The following EPHB3 variants were observed in gnomAD, a reference collection of about 807,000 sequenced individuals.
EPHB3 encodes EPH receptor B3, also known as ephrin type-B receptor 3.
A neutral mutation model predicts 100.2 loss-of-function variants in EPHB3; 33 were observed. The ratio of observed to expected loss-of-function variants is 0.33; its 90% CI spans 0.25 to 0.44. The LOEUF (loss-of-function observed/expected upper bound fraction) is 0.44, where lower values mean the gene tolerates loss of function less well. Among genes scored for constraint, EPHB3 ranks in the 20% least tolerant of loss-of-function variants. The probability of loss-of-function intolerance (pLI) is 1.00; values close to 1 mark genes in which losing one functional copy is unlikely to be tolerated. For missense variants in EPHB3, 1,045 were observed against 1,378.3 expected (o/e 0.76, Z 3.83); for synonymous variants, 526 against 554.7 (o/e 0.95, Z 0.73).
rs1254429769 is a variant in EPHB3, at chr3:184,571,478, G to A, written c.183+96G>A. On this transcript the variant is annotated intron_variant, in intron 2 of 15. Transcript: ENST00000330394. This position sits in a 1 kb window ranked among gnomAD's most constrained non-coding sequence, Gnocchi z 5.0. The stretch of plus-strand genomic sequence containing the variant: ...CCCCTCATCTCACCAGGGCCTGGAG[G>A]AGGGCTGCCTCTGCCCTCTGCCTGT... 1 of 1,347,530 alleles carries A rather than the reference G, an allele frequency of 7.4e-7. No homozygotes were observed. The highest frequency in any genetic ancestry group is 1.1e-6 in the Non-Finnish European group (1 of 950,114). The allele number at this position is 1,347,530 out of a possible 1,614,324, so 83.5% of individuals were successfully genotyped here.
Position 184,578,091 on chromosome 3 carries a change from G to C in EPHB3, c.1748+85G>C, listed in dbSNP as rs916130721. 4.9e-6 allele frequency: 7 copies of C among 1,428,948 alleles called. No homozygotes were observed. The African/African-American group carries it at 8.5e-5, about 17-fold the overall frequency. 88.5% of individuals were successfully genotyped at this position (1,428,948 alleles called of 1,614,324 possible). ...AGCCCTCATGCCACAGAGATGAGCC[G>C]CCACCACTTCCCTCAGACCCAGGGC... is the stretch of plus-strand genomic sequence containing the variant. On this transcript the variant is annotated intron_variant, in intron 8 of 15. Transcript: ENST00000330394. The surrounding 1 kb of genome is among the most constrained non-coding windows in gnomAD (Gnocchi z 4.7).
rs1029938173 is a variant in EPHB3 at position 184,579,010 on chromosome 3, G to C, written c.1802-467G>C. On this transcript the variant is annotated intron_variant, in intron 9 of 15. Coordinates refer to ENST00000330394, the MANE Select transcript of EPHB3 (RefSeq NM_004443.4). The surrounding 1 kb of genome is among the most constrained non-coding windows in gnomAD (Gnocchi z 5.2). ...GGCTGGGTAGCTGTGGCCAGCCCTC[G>C]GAGGGTCCTGAAAGGCAGGCAGAGG... 6.6e-6 allele frequency among the ~76,000 whole-genome samples: 1 copy of C among 152,144 alleles called. No homozygotes were observed. The highest frequency in any genetic ancestry group is 6.6e-5 in the Admixed American group (1 of 15,266).
Position 184,571,116 on chromosome 3 carries a change from G to A in EPHB3, c.119-202G>A, listed in dbSNP as rs1714528876. ...GATTACAGGCGTGCGCCACCAGCCT[G>A]GCTAATTTTGTATTTTTAGTAGAGA... On this transcript the variant is annotated intron_variant, in intron 1 of 15. Coordinates refer to ENST00000330394, the MANE Select transcript of EPHB3 (RefSeq NM_004443.4). The surrounding 1 kb of genome is among the most constrained non-coding windows in gnomAD (Gnocchi z 5.0). Among the ~76,000 whole-genome samples the A allele has an allele frequency of 6.6e-6, 1 of 151,924 alleles. No homozygotes were observed. Among genetic ancestry groups the A allele is most frequent in the Non-Finnish European group, 1.5e-5 (1 of 67,976 alleles).
chr3:184,573,323 T>A lies in EPHB3; in HGVS notation c.856+147T>A, dbSNP rs911508125. On this transcript the variant is annotated intron_variant, in intron 3 of 15. Coordinates refer to ENST00000330394, the MANE Select transcript of EPHB3 (RefSeq NM_004443.4). The surrounding 1 kb of genome is among the most constrained non-coding windows in gnomAD (Gnocchi z 4.5). ...GAGGCAGGAGAGGGAAGAGTGGGGATCAGATGCAGAGAATGTTGTGTAAGG... is the reference window on the plus strand; with the variant it reads ...GAGGCAGGAGAGGGAAGAGTGGGGAACAGATGCAGAGAATGTTGTGTAAGG... 133 of 965,936 alleles carry A rather than the reference T, an allele frequency of 1.4e-4. No individual in the cohort carries two copies. The highest frequency in any genetic ancestry group is 1.9e-4 in the Non-Finnish European group (124 of 657,746). 59.8% of individuals were successfully genotyped at this position (965,936 alleles called of 1,614,324 possible). A position where few individuals can be genotyped will look rare whatever the true frequency, so the allele number is the denominator to read the frequency against.
At position 184,577,924 on chromosome 3, in the gene EPHB3, C is replaced by A; in HGVS notation, c.1666C>A (p.Gln556Lys). 1.9e-6 allele frequency: 3 copies of A among 1,614,032 alleles called. No individual in the cohort carries two copies. The highest frequency in any genetic ancestry group is 1.1e-5 in the South Asian group (1 of 91,084). ...RGSGAQQLQE[Q>K]LPLIVGSATA... ...CTCTGGGGCCCAGCAGCTCCAGGAG[C>A]AGCTTCCCCTCATCGTGGGCTCCGC... Residue 556 changes from glutamine (Q) to lysine (K), a missense_variant, in exon 8 of 16, where the codon CAG becomes AAG. By Grantham distance (53) the Gln-to-Lys change is moderately conservative (BLOSUM62 1). This residue lies in a region of EPHB3 where 985 missense variants were observed against 1,331.1 expected (regional missense o/e 0.74). Transcript: ENST00000330394. This position sits in a 1 kb window ranked among gnomAD's most constrained non-coding sequence, Gnocchi z 4.9.
In EPHB3 at chr3:184,563,319, C is replaced by T. The variant is rs1313267281; in HGVS notation, c.118+966C>T. 6.6e-6 allele frequency among the ~76,000 whole-genome samples: 1 copy of T among 152,162 alleles called. No individual in the cohort carries two copies. The highest frequency in any genetic ancestry group is 1.9e-4 in the East Asian group (1 of 5,190). On this transcript the variant is annotated intron_variant, in intron 1 of 15. Transcript: ENST00000330394. This position sits in a 1 kb window ranked among gnomAD's most constrained non-coding sequence, Gnocchi z 4.1. ...CCATTAAATGAGAGAGGGTCAGAAC[C>T]TTCCCTAAAGTGGAGGGAGGGACGC...
intron 12 of EPHB3, 37 bp downstream of exon 12, chr3:184,580,654 G>T (rs749205921): frequency 6.2e-7 from 1 of 1,609,722 alleles, no homozygotes; most frequent in South Asian, 1.1e-5. Context: ...TGGGGGCGGG[G>T]CCTATCAGCC....
Position 184,573,237 on chromosome 3 carries a change from C to T in EPHB3, c.856+61C>T, listed in dbSNP as rs534998508. The T allele has an allele frequency of 2.0e-5, 31 of 1,588,968 alleles. No individual in the cohort carries two copies. The highest frequency in any genetic ancestry group is 1.2e-4 in the South Asian group (11 of 90,214). ...GAGGGCCTGGGCCACAGCTACCTAC[C>T]GCCCCGCCCCCCACCCCTGCTTGCT... On this transcript the variant is annotated intron_variant, in intron 3 of 15. Transcript: ENST00000330394. This position sits in a 1 kb window ranked among gnomAD's most constrained non-coding sequence, Gnocchi z 4.5.
intron 4 of EPHB3, among the ~76,000 whole-genome samples, chr3:184,576,432 G>C (rs1289571443): frequency 6.6e-6 from 1 of 152,206 alleles, no homozygotes; most frequent in African/African-American, 2.4e-5. Flanking sequence ...CCTGGCCTTC[G>C]GTGTGCCGGG....
In EPHB3 at chr3:184,579,447, C is replaced by T. The variant is rs368171618; in HGVS notation, c.1802-30C>T. ...GCAGGGAGAGGCTGGCTTGACGTTA[C>T]CCTCTCACGCCCACCTCTTCTCCCT... On this transcript the variant is annotated intron_variant, in intron 9 of 15. Coordinates refer to ENST00000330394, the MANE Select transcript of EPHB3 (RefSeq NM_004443.4). The surrounding 1 kb of genome is among the most constrained non-coding windows in gnomAD (Gnocchi z 5.2). 1.1e-5 allele frequency: 18 copies of T among 1,607,146 alleles called. No individual in the cohort carries two copies. In the African/African-American group the frequency reaches 2.3e-4, roughly 20 times the overall value.
At chr3:184,567,480 GGTGTGTGTGTGT>G (rs58429187) in intron 1 of EPHB3, among the ~76,000 whole-genome samples, 6 of 148,562 alleles carry the variant, frequency 4.0e-5, no homozygotes, top group African/African-American at 1.0e-4. Flanking sequence ...ATGCTTGCAG[GGTGTGTGTGTGT>G]GTGTGTGTGT....
Position 184,578,135 on chromosome 3 carries a change from A to T in EPHB3, c.1748+129A>T, listed in dbSNP as rs4072652. On this transcript the variant is annotated intron_variant, in intron 8 of 15. Coordinates refer to ENST00000330394, the MANE Select transcript of EPHB3 (RefSeq NM_004443.4). The surrounding 1 kb of genome is among the most constrained non-coding windows in gnomAD (Gnocchi z 4.7). ...CCAGGGCCTTAGCCCTCCTGGGGCCAGCCGTTGCTGGAGAAGCCCTCTCCC... is the reference window on the plus strand; with the variant it reads ...CCAGGGCCTTAGCCCTCCTGGGGCCTGCCGTTGCTGGAGAAGCCCTCTCCC... 2.8e-6 allele frequency: 3 copies of T among 1,074,164 alleles called. No individual in the cohort carries two copies. The highest frequency in any genetic ancestry group is 3.9e-6 in the Non-Finnish European group (3 of 760,384). The allele number at this position is 1,074,164 out of a possible 1,614,324, so 66.5% of individuals were successfully genotyped here.
intron 1 of EPHB3, among the ~76,000 whole-genome samples, chr3:184,567,002 T>C (rs1714401116): frequency 6.6e-6 from 1 of 152,164 alleles, no homozygotes; most frequent in Non-Finnish European, 1.5e-5. Context: ...CATGATGTCC[T>C]CCTCATGCCC....
chr3:184,563,428 A>G lies in EPHB3; in HGVS notation c.118+1075A>G, dbSNP rs1311031530. Among the ~76,000 whole-genome samples the G allele has an allele frequency of 6.6e-6, 1 of 152,204 alleles. No homozygotes were observed. Among genetic ancestry groups the G allele is most frequent in the Non-Finnish European group, 1.5e-5 (1 of 68,032 alleles). On this transcript the variant is annotated intron_variant, in intron 1 of 15. Transcript: ENST00000330394. The surrounding 1 kb of genome is among the most constrained non-coding windows in gnomAD (Gnocchi z 4.1). Reference sequence around the variant, plus strand: ...GATCTAGTTACTTTCTTAGTTTAGGAACGAAAACACGAACTCTGTGGAACT... The same window carrying G: ...GATCTAGTTACTTTCTTAGTTTAGGGACGAAAACACGAACTCTGTGGAACT...
At position 184,582,273 on chromosome 3, in the gene EPHB3, TGTGTGCGC is replaced by T. The variant is rs781670998; in HGVS notation, c.*653_*660del. 4,717 of 56,298 alleles carry T rather than the reference TGTGTGCGC, an allele frequency of 0.084. 90 individuals are homozygous for T. Among genetic ancestry groups the T allele is most frequent in the Middle Eastern group, 0.17 (14 of 84 alleles). The allele number at this position is 56,298 out of a possible 1,614,324, so 3.5% of individuals were successfully genotyped here. On this transcript the variant is annotated 3_prime_UTR_variant, in exon 16 of 16. Coordinates refer to ENST00000330394, the MANE Select transcript of EPHB3 (RefSeq NM_004443.4). ...GTGTGAGTGTGTGTGTGTGTGTGTGTGTGTGCGCGCGCGCGCGCGTGTGTGTGTGCACG... is the reference window on the plus strand; with the variant it reads ...GTGTGAGTGTGTGTGTGTGTGTGTGTGCGCGCGCGCGTGTGTGTGTGCACG...
Position 184,572,871 on chromosome 3 carries a change from T to G in EPHB3, c.551T>G (p.Leu184Arg). The change falls in exon 3 of 16, where the codon CTT becomes CGT. Residue 184 changes from leucine (L) to arginine (R), a missense_variant. By Grantham distance (102) the Leu-to-Arg change is moderately radical. Around this residue, in one of 2 missense-constraint regions of EPHB3, gnomAD observed 985 missense variants for 1,331.1 expected, o/e 0.74. Transcript: ENST00000330394. This position sits in a 1 kb window ranked among gnomAD's most constrained non-coding sequence, Gnocchi z 6.6. ...VNTKVRSFGP[L>R]SKAGFYLAFQ... The stretch of plus-strand genomic sequence containing the variant: ...ACCAAGGTGCGCAGCTTTGGGCCAC[T>G]TTCCAAGGCTGGCTTCTACCTGGCC... 1 of 1,559,602 alleles carries G rather than the reference T, an allele frequency of 6.4e-7. No individual in the cohort carries two copies. Among genetic ancestry groups the G allele is most frequent in the Non-Finnish European group, 8.7e-7 (1 of 1,153,366 alleles).
Position 184,577,162 on chromosome 3 carries a change from A to G in EPHB3, c.1333A>G (p.Asn445Asp). 1.2e-6 allele frequency: 2 copies of G among 1,604,092 alleles called. No individual in the cohort carries two copies. Among genetic ancestry groups the G allele is most frequent in the Non-Finnish European group, 1.7e-6 (2 of 1,173,442 alleles). Residue 445 changes from asparagine (N) to aspartate (D), a missense_variant, in exon 5 of 16, where the codon AAT becomes GAT. Physicochemically the swap from Asn to Asp is conservative, Grantham distance 23. Coordinates refer to ENST00000330394, the MANE Select transcript of EPHB3 (RefSeq NM_004443.4). The surrounding 1 kb of genome is among the most constrained non-coding windows in gnomAD (Gnocchi z 4.9). ...TCTGCCGCCTCGTTATGCGGCCGTG[A>G]ATATCACCACAAACCAGGCTGGTGA... ...SPLPPRYAAV[N>D]ITTNQAAPSE...
At position 184,578,044 on chromosome 3, in the gene EPHB3, G is replaced by A. The variant is rs754692360; in HGVS notation, c.1748+38G>A. 22 of 1,605,322 alleles carry A rather than the reference G, an allele frequency of 1.4e-5. No individual in the cohort carries two copies. In the East Asian group the frequency reaches 1.6e-4, roughly 11 times the overall value. On this transcript the variant is annotated intron_variant, in intron 8 of 15. Coordinates refer to ENST00000330394, the MANE Select transcript of EPHB3 (RefSeq NM_004443.4). The surrounding 1 kb of genome is among the most constrained non-coding windows in gnomAD (Gnocchi z 4.7). ...CCACTGTTGCTCCATGGGCCGCCTC[G>A]AACTGCCCTTTAGCATCCTAGAGCC...
chr3:184,575,800 G>A (rs954679438), intron 3 of EPHB3, 30 bp from the exon 4 acceptor site: 28 of 1,559,958 alleles, frequency 1.8e-5, no homozygotes, highest in Non-Finnish European at 2.1e-5. Context: ...GAAGGGAGGT[G>A]AGCCCCATTC....
Sources: allele counts gnomAD v4.1 joint callset (sites outside exome capture counted in the v4.1 genomes callset), GRCh38; gene constraint gnomAD v4.1.1; regional missense constraint gnomAD v4.1.1; non-coding constraint Gnocchi (gnomAD v3.1); transcripts MANE v1.5; gene names NCBI Gene and HGNC (gene_info 2026-07-23, HGNC 2026-07-21).